The following SLC30A6 variants were observed in gnomAD, a reference collection of about 807,000 sequenced individuals.
SLC30A6 encodes zinc transporter 6.
SLC30A6 carries 55 observed loss-of-function variants against 63.0 expected under a neutral mutation model. The observed-to-expected ratio is 0.87, with a 90% CI of 0.70 to 1.09. The LOEUF (loss-of-function observed/expected upper bound fraction) is 1.09. Ranked by LOEUF, SLC30A6 falls within the 50% of genes least tolerant of loss-of-function variation. SLC30A6 has a pLI of 0.00. For missense variants in SLC30A6, 587 were observed against 549.2 expected (o/e 1.07, Z -0.69); for synonymous variants, 224 against 186.1 (o/e 1.20, Z -1.66).
At position 32,173,309 on chromosome 2, in the gene SLC30A6, G is replaced by A. The variant is rs144202588; in HGVS notation, c.91-754G>A. ...CAAGGTAACCAAAAATCTCTGTGTT[G>A]CCAAAATGAAGATTTTTCCTTATTT... On this transcript the variant is annotated intron_variant, in intron 2 of 13. Transcript: ENST00000282587. 5.0e-3 allele frequency among the ~76,000 whole-genome samples: 765 copies of A among 151,774 alleles called. 5 individuals carry two copies. The highest frequency in any genetic ancestry group is 0.017 in the African/African-American group (704 of 41,384).
chr2:32,167,067 C>T (rs1158898873), intron 1 of SLC30A6, among the ~76,000 whole-genome samples: 1 of 151,812 alleles, frequency 6.6e-6, no homozygotes, highest in Non-Finnish European at 1.5e-5. Context: ...CTTACTTTTA[C>T]AGCCTCTTTT....
intron 2 of SLC30A6, among the ~76,000 whole-genome samples, chr2:32,172,474 G>A (rs1257740556): frequency 1.3e-5 from 2 of 151,510 alleles, no homozygotes; most frequent in Non-Finnish European, 2.9e-5. Flanking sequence ...TCAGCCTCTT[G>A]AGTAGCTGGG....
intron 2 of SLC30A6, among the ~76,000 whole-genome samples, chr2:32,171,607 A>C (rs1216445627): frequency 2.0e-5 from 3 of 152,120 alleles, no homozygotes; most frequent in Non-Finnish European, 4.4e-5. Flanking sequence ...AAGTGTTTTA[A>C]AGAAAAATGG....
At chr2:32,189,281 C>CT (rs61221362) in intron 5 of SLC30A6, among the ~76,000 whole-genome samples, 155 of 114,786 alleles carry the variant, frequency 1.4e-3, no homozygotes, top group African/African-American at 1.5e-3. Flanking sequence ...TTGATACTGT[C>CT]TTTTTTTTTT....
Position 32,193,894 on chromosome 2 carries a change from G to A in SLC30A6, c.407G>A (p.Arg136Lys). The change falls in exon 8 of 14, where the codon AGA becomes AAA. Residue 136 changes from arginine to lysine, a missense_variant. Coordinates refer to ENST00000282587, the MANE Select transcript of SLC30A6 (RefSeq NM_017964.5). ...FLEQPEIHTG[R>K]LLVGTFVALC... ...GTTATCGTTGTTCTTTTTAGGGGAA[G>A]ATTATTAGTTGGTACTTTTGTGGCT... The A allele has an allele frequency of 5.6e-6, 9 of 1,612,062 alleles. No individual in the cohort carries two copies. Among genetic ancestry groups the A allele is most frequent in the Non-Finnish European group, 7.6e-6 (9 of 1,178,702 alleles).
intron 4 of SLC30A6, among the ~76,000 whole-genome samples, chr2:32,180,014 T>C (rs1176208246): frequency 6.6e-6 from 1 of 152,102 alleles, no homozygotes; most frequent in Non-Finnish European, 1.5e-5. Flanking sequence ...TCCTAGTGCT[T>C]TGGGAGGCTG....
At chr2:32,171,209 G>A in intron 1 of SLC30A6, 78 bp from the exon 2 acceptor site, 1 of 1,157,684 alleles carries the variant, frequency 8.6e-7, no homozygotes, top group South Asian at 1.3e-5. Flanking sequence ...TATATCATAG[G>A]AACCACTATA....
chr2:32,205,662 CTTTTTTTTTTT>C (rs745414068), intron 11 of SLC30A6, among the ~76,000 whole-genome samples: 1 of 87,198 alleles, frequency 1.1e-5, no homozygotes, highest in Non-Finnish European at 2.1e-5. Flanking sequence ...AATGTTACTT[CTTTTTTTTTTT>C]TTTTTTTTTT....
At chr2:32,169,194 G>A (rs570815696) in intron 1 of SLC30A6, among the ~76,000 whole-genome samples, 9 of 151,322 alleles carry the variant, frequency 5.9e-5, no homozygotes, top group Middle Eastern at 3.4e-3. Flanking sequence ...TATTTATTTC[G>A]AGATGGGGTC....
chr2:32,171,483 TTTTCA>T, intron 2 of SLC30A6, 110 bp downstream of exon 2: 4 of 735,128 alleles, frequency 5.4e-6, no homozygotes, highest in Non-Finnish European at 8.9e-6. Flanking sequence ...TGCCACACTG[TTTTCA>T]TTTTTCTATG....
chr2:32,222,719 T>A lies in SLC30A6; in HGVS notation c.*2006T>A, dbSNP rs760091037. Reference sequence around the variant, plus strand: ...AACCTGTTCCTTGGCCTTTATCTTATGTTTTCCAACTATTACTGTATCTGT... The same window carrying A: ...AACCTGTTCCTTGGCCTTTATCTTAAGTTTTCCAACTATTACTGTATCTGT... On this transcript the variant is annotated 3_prime_UTR_variant, in exon 14 of 14. Coordinates refer to ENST00000282587, the MANE Select transcript of SLC30A6 (RefSeq NM_017964.5). 6.6e-6 allele frequency: 1 copy of A among 152,236 alleles called. No individual in the cohort carries two copies. The highest frequency in any genetic ancestry group is 1.5e-5 in the Non-Finnish European group (1 of 68,046). 9.4% of individuals were successfully genotyped at this position (152,236 alleles called of 1,614,324 possible).
chr2:32,220,205 C>T lies in SLC30A6; in HGVS notation c.886-8C>T, dbSNP rs1003185331. 2 of 1,597,118 alleles carry T rather than the reference C, an allele frequency of 1.3e-6. No individual in the cohort carries two copies. Among genetic ancestry groups the T allele is most frequent in the South Asian group, 1.1e-5 (1 of 89,650 alleles). ...GCAATCTCTTTGTTATGATTTTGCC[C>T]CTTTTAGGCTGGATCAGTGCATGTA... On this transcript the variant is annotated splice_polypyrimidine_tract_variant and splice_region_variant and intron_variant, in intron 13 of 13. Coordinates refer to ENST00000282587, the MANE Select transcript of SLC30A6 (RefSeq NM_017964.5).
At position 32,176,025 on chromosome 2, in the gene SLC30A6, G is replaced by A. The variant is rs181016523; in HGVS notation, c.218+664G>A. On this transcript the variant is annotated intron_variant, in intron 4 of 13. Coordinates refer to ENST00000282587, the MANE Select transcript of SLC30A6 (RefSeq NM_017964.5). ...ATATTAAAGTTAAAAACTCTAGGTAGCAAATGTCACCATAAACAGAGAATA... is the reference window on the plus strand; with the variant it reads ...ATATTAAAGTTAAAAACTCTAGGTAACAAATGTCACCATAAACAGAGAATA... Among the ~76,000 whole-genome samples the A allele has an allele frequency of 2.2e-4, 34 of 152,176 alleles. No individual in the cohort carries two copies. The East Asian group carries it at 6.0e-3, about 27-fold the overall frequency.
At position 32,197,841 on chromosome 2, in the gene SLC30A6, T is replaced by C; in HGVS notation, c.665+15T>C. 6.2e-7 allele frequency: 1 copy of C among 1,612,948 alleles called. No homozygotes were observed. The highest frequency in any genetic ancestry group is 8.5e-7 in the Non-Finnish European group (1 of 1,179,510). On this transcript the variant is annotated intron_variant, in intron 10 of 13. Coordinates refer to ENST00000282587, the MANE Select transcript of SLC30A6 (RefSeq NM_017964.5). Reference sequence around the variant, plus strand: ...ATTGAAATTAAGTGAGTATTTTTTATTGTTGTCAAGTATGTTTTGATTTCT... The same window carrying C: ...ATTGAAATTAAGTGAGTATTTTTTACTGTTGTCAAGTATGTTTTGATTTCT...
At chr2:32,200,248 T>C (rs1316468002) in intron 10 of SLC30A6, among the ~76,000 whole-genome samples, 4 of 152,160 alleles carry the variant, frequency 2.6e-5, no homozygotes, top group African/African-American at 9.7e-5. Flanking sequence ...TAGTTTTCAT[T>C]CTTATCCATT....
chr2:32,188,568 C>G (rs768078914), intron 5 of SLC30A6, among the ~76,000 whole-genome samples: 4 of 152,118 alleles, frequency 2.6e-5, no homozygotes, highest in Admixed American at 6.6e-5. Flanking sequence ...GTGGTGCGAG[C>G]CTGTCGTCCC....
At chr2:32,170,893 C>G (rs796265654) in intron 1 of SLC30A6, among the ~76,000 whole-genome samples, 2 of 152,338 alleles carry the variant, frequency 1.3e-5, no homozygotes, top group African/African-American at 4.8e-5. Context: ...GCCCCAAGCA[C>G]AACCACATAT....
In SLC30A6 at chr2:32,224,255, G is replaced by C. The variant is rs1379873368; in HGVS notation, c.*3542G>C. 8.1e-6 allele frequency: 4 copies of C among 491,710 alleles called. No individual in the cohort carries two copies. The East Asian group carries it at 1.3e-4, about 16-fold the overall frequency. 30.5% of individuals were successfully genotyped at this position (491,710 alleles called of 1,614,324 possible). A position where few individuals can be genotyped will look rare whatever the true frequency, so the allele number is the denominator to read the frequency against. ...TCAGTATACCAGTTGGTGTGACCCA[G>C]ACCAAAGGTAACACAAAGATGAATG... On this transcript the variant is annotated 3_prime_UTR_variant, in exon 14 of 14. Coordinates refer to ENST00000282587, the MANE Select transcript of SLC30A6 (RefSeq NM_017964.5).
Position 32,175,363 on chromosome 2 carries a change from T to C in SLC30A6, c.218+2T>C, listed in dbSNP as rs1425233284. The C allele has an allele frequency of 6.2e-7, 1 of 1,610,902 alleles. No homozygotes were observed. The highest frequency in any genetic ancestry group is 8.5e-7 in the Non-Finnish European group (1 of 1,179,046). On this transcript the variant is annotated splice_donor_variant, in intron 4 of 13. Coordinates refer to ENST00000282587, the MANE Select transcript of SLC30A6 (RefSeq NM_017964.5). LOFTEE classifies it high-confidence loss of function. ...CCTGACCATTTTTGATCTTTTTAGG[T>C]AAGTTTTTAGGAAATCTTAATGTTT... is the stretch of plus-strand genomic sequence containing the variant.
Sources: allele counts gnomAD v4.1 joint callset (sites outside exome capture counted in the v4.1 genomes callset), GRCh38; gene constraint gnomAD v4.1.1; transcripts MANE v1.5; gene names NCBI Gene and HGNC (gene_info 2026-07-23, HGNC 2026-07-21).